The following GALK2 variants were observed in gnomAD, a reference collection of about 807,000 sequenced individuals.
GALK2 encodes the protein N-acetylgalactosamine kinase.
In GALK2, 36 loss-of-function variants were observed where a neutral mutation model predicts 52.4. The ratio of observed to expected loss-of-function variants is 0.69; its 90% confidence interval spans 0.53 to 0.91. The LOEUF is 0.91. Among genes scored for constraint, GALK2 ranks in the 40% least tolerant of loss-of-function variants. The probability of loss-of-function intolerance (pLI) is 0.00; values close to 1 mark genes in which losing one functional copy is unlikely to be tolerated. For synonymous variants in GALK2, 176 were observed against 199.1 expected, an observed-to-expected ratio of 0.88 and a Z score of 0.98; for missense variants, 579 against 559.1, an observed-to-expected ratio of 1.04 and a Z score of -0.36.
chr15:49,360,860 C>G (rs80079494), intron 3 of GALK2, among the ~76,000 whole-genome samples: 2,627 of 152,234 alleles, frequency 0.017, 95 homozygotes, highest in African/African-American at 0.061. Flanking sequence ...GACATAAGCA[C>G]TCCTGTGATG....
chr15:49,329,338 A>T lies in GALK2; in HGVS notation c.*1179A>T. 1 of 985,382 alleles carries T rather than the reference A, an allele frequency of 1.0e-6. No individual in the cohort carries two copies. Among genetic ancestry groups the T allele is most frequent in the South Asian group, 4.7e-5 (1 of 21,280 alleles). The allele number at this position is 985,382 out of a possible 1,614,324, so 61.0% of individuals were successfully genotyped here. A position where few individuals can be genotyped will look rare whatever the true frequency, so the allele number is the denominator to read the frequency against. On this transcript the variant is annotated 3_prime_UTR_variant, in exon 10 of 10. Coordinates refer to ENST00000560031, the MANE Select transcript of GALK2 (RefSeq NM_002044.4). Reference sequence around the variant, plus strand: ...GAAGCACTTTCTGAATTATGTAATGATTTGGACCAAAAAGTATTTTGCTGA... The same window carrying T: ...GAAGCACTTTCTGAATTATGTAATGTTTTGGACCAAAAAGTATTTTGCTGA...
chr15:49,268,046 G>A (rs978086837), intron 5 of GALK2, among the ~76,000 whole-genome samples: 8 of 152,114 alleles, frequency 5.3e-5, no homozygotes, highest in Admixed American at 5.2e-4. Flanking sequence ...AATATGGTGG[G>A]TTAGCAGGGA....
intron 1 of GALK2, among the ~76,000 whole-genome samples, chr15:49,175,611 G>A (rs1285787288): frequency 1.3e-5 from 2 of 152,194 alleles, no homozygotes; most frequent in African/African-American, 4.8e-5. Context: ...TTTCTAGTAG[G>A]TGAGAAAAGA....
intron 5 of GALK2, among the ~76,000 whole-genome samples, chr15:49,248,677 G>A (rs1311455314): frequency 1.6e-4 from 25 of 152,160 alleles, no homozygotes; most frequent in Admixed American, 1.6e-3. Context: ...TTTAGGAGTA[G>A]GATTGGAGAC....
Position 49,328,646 on chromosome 15 carries a change from ACATTCT to A in GALK2, c.*489_*494del. On this transcript the variant is annotated 3_prime_UTR_variant, in exon 10 of 10. Coordinates refer to ENST00000560031, the MANE Select transcript of GALK2 (RefSeq NM_002044.4). The stretch of plus-strand genomic sequence containing the variant: ...ATGATGATGACGATAGTGATGCCAC[ACATTCT>A]CTCTCAATTTCAGCTTCGGAACGCT... The A allele has an allele frequency of 6.4e-7, 1 of 1,574,092 alleles. No individual in the cohort carries two copies. The highest frequency in any genetic ancestry group is 8.6e-7 in the Non-Finnish European group (1 of 1,156,362).
intron 8 of GALK2, among the ~76,000 whole-genome samples, chr15:49,311,673 A>T (rs2036001403): frequency 6.6e-6 from 1 of 152,126 alleles, no homozygotes; most frequent in African/African-American, 2.4e-5. Context: ...ATCCTCTTGG[A>T]TATATCCGTA....
chr15:49,159,720 C>G (rs1169242554), intron 1 of GALK2, among the ~76,000 whole-genome samples: 3 of 151,942 alleles, frequency 2.0e-5, no homozygotes, highest in African/African-American at 7.3e-5. Flanking sequence ...GTGTTCTCAC[C>G]TATACATACA....
At chr15:49,263,015 TG>T (rs1018770490) in intron 5 of GALK2, among the ~76,000 whole-genome samples, 1 of 144,438 alleles carries the variant, frequency 6.9e-6, no homozygotes, top group Non-Finnish European at 1.5e-5. Flanking sequence ...GGAATAGGTG[TG>T]GTGTGGTGCT....
chr15:49,321,220 TGAATAAATGAGAACA>T (rs955122824), intron 9 of GALK2, among the ~76,000 whole-genome samples: 1 of 144,582 alleles, frequency 6.9e-6, no homozygotes, highest in African/African-American at 2.8e-5. Context: ...CTGAAGGAGG[TGAATAAATGAGAACA>T]GCAAATGCAT....
At chr15:49,178,585 G>A in intron 1 of GALK2, 1 of 232,070 alleles carries the variant, frequency 4.3e-6, no homozygotes, top group Non-Finnish European at 8.9e-6. Flanking sequence ...TGGCCTTGTA[G>A]CCCTGTCGGT....
intron 3 of GALK2, among the ~76,000 whole-genome samples, chr15:49,218,917 C>G (rs2089589869): frequency 6.6e-6 from 1 of 152,130 alleles, no homozygotes; most frequent in Middle Eastern, 3.2e-3. Flanking sequence ...CCTCTGCCTC[C>G]CAGGTTCAAG....
chr15:49,216,488 C>G (rs2089384875), intron 2 of GALK2, among the ~76,000 whole-genome samples: 1 of 152,154 alleles, frequency 6.6e-6, no homozygotes, highest in South Asian at 2.1e-4. Context: ...GCAGTGCGAT[C>G]AGGCACTCCC....
At chr15:49,238,977 A>G (rs1238578031) in intron 4 of GALK2, among the ~76,000 whole-genome samples, 1 of 152,228 alleles carries the variant, frequency 6.6e-6, no homozygotes, top group South Asian at 2.1e-4. Context: ...CAAATCAATT[A>G]ATATTCAAGA....
chr15:49,329,647 T>C lies in GALK2; in HGVS notation c.*1488T>C, dbSNP rs1019903236. 4 of 984,750 alleles carry C rather than the reference T, an allele frequency of 4.1e-6. No homozygotes were observed. The African/African-American group carries it at 7.0e-5, about 17-fold the overall frequency. The allele number at this position is 984,750 out of a possible 1,614,324, so 61.0% of individuals were successfully genotyped here. A position where few individuals can be genotyped will look rare whatever the true frequency, so the allele number is the denominator to read the frequency against. On this transcript the variant is annotated 3_prime_UTR_variant, in exon 10 of 10. Transcript: ENST00000560031. ...CAGAAAGGTAAATGCTTGAGAAAGC[T>C]TGAGTCAAATTTGTTAAAAGAATTT...
At chr15:49,165,903 C>T (rs149937831), upstream of GALK2, among the ~76,000 whole-genome samples, 10,228 of 151,208 alleles carry the variant, frequency 0.068, 733 homozygotes, top group African/African-American at 0.17. Context: ...CCCAGGTTCA[C>T]GCCATTCTCC....
chr15:49,251,653 T>A (rs991936298), intron 5 of GALK2, among the ~76,000 whole-genome samples: 3 of 152,336 alleles, frequency 2.0e-5, no homozygotes, highest in Non-Finnish European at 2.9e-5. Context: ...AGTTGATTAG[T>A]AACTCCCCAT....
intron 1 of GALK2, chr15:49,170,714 G>A (rs893886892): frequency 8.0e-6 from 2 of 248,964 alleles, no homozygotes; most frequent in Non-Finnish European, 1.5e-5. Context: ...CATGCCAGTT[G>A]ATACTGCTTT....
At chr15:49,349,566 T>C (rs186697123) in intron 3 of GALK2, among the ~76,000 whole-genome samples, 29 of 152,318 alleles carry the variant, frequency 1.9e-4, no homozygotes, top group African/African-American at 7.0e-4. Flanking sequence ...TTGGTTCCTT[T>C]ATGGAATCCC....
rs148624100 is a variant in GALK2, at chr15:49,234,515, T to C, written c.267-1336T>C. On this transcript the variant is annotated intron_variant, in intron 3 of 9. Transcript: ENST00000560031. The stretch of plus-strand genomic sequence containing the variant: ...TATGGCGGGGGAAGCCTCACAATCA[T>C]GGCAGAAAGCAAATGAGGAGCAAAG... Among the ~76,000 whole-genome samples the C allele has an allele frequency of 8.7e-3, 1,326 of 152,286 alleles. 25 individuals carry two copies. The highest frequency in any genetic ancestry group is 0.031 in the African/African-American group (1,274 of 41,546).
Sources: gnomAD v4.1 joint callset for allele counts (sites outside exome capture counted in the v4.1 genomes callset) on GRCh38, gnomAD v4.1.1 for gene constraint, MANE v1.5 for transcripts, NCBI Gene and HGNC (gene_info 2026-07-23, HGNC 2026-07-21) for gene names.